The following ERBIN variants were observed in gnomAD, a reference collection of about 807,000 sequenced individuals.
ERBIN encodes the protein densin-180-like protein.
Under a neutral mutation model 158.4 loss-of-function variants are expected in ERBIN, and 60 were observed. That is an observed-to-expected ratio of 0.38 (90% CI 0.31 to 0.47). ERBIN has a LOEUF of 0.47. Ranked by LOEUF, ERBIN falls within the 20% of genes least tolerant of loss-of-function variation. The probability of loss-of-function intolerance (pLI) is 0.99; values close to 1 mark genes in which losing one functional copy is unlikely to be tolerated. For missense variants in ERBIN, 1,610 were observed against 1,648.0 expected, an observed-to-expected ratio of 0.98 and a Z score of 0.40; for synonymous variants, 594 against 557.2, an observed-to-expected ratio of 1.07 and a Z score of -0.93.
chr5:65,946,776 A>G (rs1193553315), intron 1 of ERBIN, among the ~76,000 whole-genome samples: 2 of 149,826 alleles, frequency 1.3e-5, no homozygotes, highest in Non-Finnish European at 3.0e-5. Context: ...CTAGCCAGCA[A>G]TTGGTTGTTA....
intron 22 of ERBIN, 111 bp from the exon 23 acceptor site, chr5:66,074,913 T>A (rs1278585640): frequency 1.1e-6 from 1 of 880,900 alleles, no homozygotes; most frequent in African/African-American, 1.7e-5. Flanking sequence ...TTGTTTGACT[T>A]AATTAGAATG....
intron 21 of ERBIN, among the ~76,000 whole-genome samples, chr5:66,063,481 T>G (rs1265189921): frequency 6.6e-6 from 1 of 152,170 alleles, no homozygotes; most frequent in Non-Finnish European, 1.5e-5. Flanking sequence ...TGACCCCTTG[T>G]GTTTTCCAGG....
At chr5:65,966,671 ACT>A (rs1328116099) in intron 1 of ERBIN, among the ~76,000 whole-genome samples, 1 of 123,568 alleles carries the variant, frequency 8.1e-6, no homozygotes, top group Non-Finnish European at 1.6e-5. Flanking sequence ...CAAGAGTGAA[ACT>A]CTGTCTCAAA....
chr5:65,946,502 A>G (rs948503907), intron 1 of ERBIN, among the ~76,000 whole-genome samples: 2 of 152,214 alleles, frequency 1.3e-5, no homozygotes, highest in Non-Finnish European at 2.9e-5. Flanking sequence ...ACTCCATGGC[A>G]TCCATGTGCT....
chr5:66,055,932 A>G lies in ERBIN; in HGVS notation c.3633+981A>G, dbSNP rs547030628. Among the ~76,000 whole-genome samples, 6 of 152,292 alleles carry G rather than the reference A, an allele frequency of 3.9e-5. No individual in the cohort carries two copies. The East Asian group carries it at 1.2e-3, about 29-fold the overall frequency. ...AACTTTAAATGAACTTTAAATAGGT[A>G]AATATCCACAAGCATTAGGCTACTT... On this transcript the variant is annotated intron_variant, in intron 21 of 25. Transcript: ENST00000284037.
intron 16 of ERBIN, 106 bp from the exon 17 acceptor site, chr5:66,044,031 T>G: frequency 4.0e-6 from 3 of 741,140 alleles, no homozygotes; most frequent in Non-Finnish European, 6.0e-6. Flanking sequence ...GTTATCCCTA[T>G]GAGCTTGATA....
At chr5:66,000,715 G>T (rs984986027) in intron 4 of ERBIN, among the ~76,000 whole-genome samples, 9 of 151,960 alleles carry the variant, frequency 5.9e-5, no homozygotes, top group African/African-American at 2.2e-4. Context: ...TGCAGAATTG[G>T]TTTTTTTGCA....
intron 1 of ERBIN, among the ~76,000 whole-genome samples, chr5:65,952,496 A>C (rs1436791379): frequency 1.3e-5 from 2 of 152,146 alleles, no homozygotes; most frequent in African/African-American, 4.8e-5. Context: ...AGTAGCTGTG[A>C]TTATAATGAG....
intron 21 of ERBIN, among the ~76,000 whole-genome samples, chr5:66,065,590 CCTGTGTGTGTGT>C (rs1760891778): frequency 4.6e-5 from 5 of 109,484 alleles, no homozygotes; most frequent in South Asian, 3.2e-4. Flanking sequence ...TTAATTTTGA[CCTGTGTGTGTGT>C]GTGTGTGTGT....
intron 14 of ERBIN, among the ~76,000 whole-genome samples, chr5:66,032,922 T>A (rs988021237): frequency 6.6e-6 from 1 of 152,202 alleles, no homozygotes; most frequent in Non-Finnish European, 1.5e-5. Flanking sequence ...CCAAGAAAAG[T>A]AACCACAAAT....
At chr5:65,967,617 T>C (rs1748801667) in intron 1 of ERBIN, among the ~76,000 whole-genome samples, 1 of 152,236 alleles carries the variant, frequency 6.6e-6, no homozygotes, top group East Asian at 1.9e-4. Flanking sequence ...GTGATGTTTG[T>C]ACAATGATGA....
At chr5:66,004,961 G>T (rs893434266) in intron 4 of ERBIN, among the ~76,000 whole-genome samples, 3 of 152,204 alleles carry the variant, frequency 2.0e-5, no homozygotes, top group East Asian at 3.8e-4. Context: ...AGCAGCTAAT[G>T]AAGAGCCTTG....
In ERBIN at chr5:65,970,484, A is replaced by G. The variant is rs533135035; in HGVS notation, c.-57-18151A>G. Among the ~76,000 whole-genome samples, 7 of 152,252 alleles carry G rather than the reference A, an allele frequency of 4.6e-5. No homozygotes were observed. The South Asian group carries it at 1.5e-3, about 32-fold the overall frequency. Reference sequence around the variant, plus strand: ...GCAACACTAACTACTATTTTTCTGTATGTAGAGAGATTCTACACTTTGGTT... The same window carrying G: ...GCAACACTAACTACTATTTTTCTGTGTGTAGAGAGATTCTACACTTTGGTT... On this transcript the variant is annotated intron_variant, in intron 1 of 25. Transcript: ENST00000284037.
At position 66,030,069 on chromosome 5, in the gene ERBIN, G is replaced by GCAAGA. The variant is rs1404726625; in HGVS notation, c.1206+1727_1206+1728insAAGAC. On this transcript the variant is annotated intron_variant, in intron 14 of 25. Coordinates refer to ENST00000284037, the MANE Select transcript of ERBIN (RefSeq NM_001253697.2). ...TGTTTTTGTTTTTTGACAGAGTCTT[G>GCAAGA]CTCTGTCACCCAGGCTGGAGTGCAG... is the stretch of plus-strand genomic sequence containing the variant. Among the ~76,000 whole-genome samples the GCAAGA allele has an allele frequency of 2.6e-5, 4 of 151,846 alleles. No individual in the cohort carries two copies. In the East Asian group the frequency reaches 7.8e-4, roughly 29 times the overall value.
intron 17 of ERBIN, among the ~76,000 whole-genome samples, chr5:66,044,697 G>A (rs985747907): frequency 8.6e-5 from 13 of 151,734 alleles, no homozygotes; most frequent in Non-Finnish European, 4.4e-5. Context: ...CCCAGGAGGC[G>A]GGGGTTGCAG....
chr5:65,939,535 C>G (rs931585959), intron 1 of ERBIN, among the ~76,000 whole-genome samples: 1 of 140,818 alleles, frequency 7.1e-6, no homozygotes, highest in Non-Finnish European at 1.5e-5. Context: ...TCCCTCTCCC[C>G]CCTCTCCCTC....
chr5:65,940,876 G>T (rs556993930), intron 1 of ERBIN, among the ~76,000 whole-genome samples: 5 of 152,152 alleles, frequency 3.3e-5, no homozygotes, highest in Non-Finnish European at 7.4e-5. Context: ...GAATAGAAAG[G>T]GGGGAAAGGC....
intron 1 of ERBIN, among the ~76,000 whole-genome samples, chr5:65,985,563 A>T (rs921684239): frequency 6.6e-6 from 1 of 152,182 alleles, no homozygotes; most frequent in African/African-American, 2.4e-5. Flanking sequence ...GCAGCTTTTT[A>T]AATTGGTGGC....
chr5:65,997,907 T>C (rs1324394649), intron 4 of ERBIN, among the ~76,000 whole-genome samples: 1 of 151,484 alleles, frequency 6.6e-6, no homozygotes, highest in Non-Finnish European at 1.5e-5. Flanking sequence ...TTTGGAAAGC[T>C]AATTAACCAG....
Sources: allele counts gnomAD v4.1 joint callset (sites outside exome capture counted in the v4.1 genomes callset), GRCh38; gene constraint gnomAD v4.1.1; transcripts MANE v1.5; gene names NCBI Gene and HGNC (gene_info 2026-07-23, HGNC 2026-07-21).